The following CACNA1D variants were observed in gnomAD, a reference collection of about 807,000 sequenced individuals.
The protein encoded by CACNA1D is calcium voltage-gated channel subunit alpha1 D.
Under a neutral mutation model 257.1 loss-of-function variants are expected in CACNA1D, and 55 were observed. That is an observed-to-expected ratio of 0.21 (90% CI 0.17 to 0.27). The LOEUF is 0.27. Ranked by LOEUF, CACNA1D falls within the 10% of genes least tolerant of loss-of-function variation. CACNA1D has a pLI of 1.00. For synonymous variants in CACNA1D, 980 were observed against 1,014.9 expected, an observed-to-expected ratio of 0.97 and a Z score of 0.65; for missense variants, 1,876 against 2,784.0, an observed-to-expected ratio of 0.67 and a Z score of 7.34.
chr3:53,810,769 A>C (rs1430728699), intron 47 of CACNA1D, among the ~76,000 whole-genome samples: 1 of 146,556 alleles, frequency 6.8e-6, no homozygotes, highest in Non-Finnish European at 1.5e-5. Flanking sequence ...AAAAAAAAAA[A>C]AAAAAAAAAA....
In CACNA1D at chr3:53,555,462, T is replaced by TG. The variant is rs1448053839; in HGVS notation, c.483+53742_483+53743insG. The stretch of plus-strand genomic sequence containing the variant: ...GGTGTGTGTGTGTGTGTGTGTGTGT[T>TG]TTTTTTTTTTTTTTTTTTTTCTGAG... On this transcript the variant is annotated intron_variant, in intron 3 of 47. Coordinates refer to ENST00000350061, the MANE Select transcript of CACNA1D (RefSeq NM_001128840.3). 4.4e-3 allele frequency among the ~76,000 whole-genome samples: 430 copies of TG among 97,616 alleles called. 1 individual carries two copies. Among genetic ancestry groups the TG allele is most frequent in the African/African-American group, 0.016 (367 of 23,088 alleles). The allele number at this position is 97,616 out of a possible 152,430, so 64.0% of individuals were successfully genotyped here.
chr3:53,753,230 T>C (rs995154193), intron 28 of CACNA1D, among the ~76,000 whole-genome samples: 1 of 152,258 alleles, frequency 6.6e-6, no homozygotes, highest in African/African-American at 2.4e-5. Context: ...AACCAAATTC[T>C]ACCTCTATTC....
chr3:53,729,342 G>T (rs1172755541), intron 15 of CACNA1D, among the ~76,000 whole-genome samples: 1 of 152,184 alleles, frequency 6.6e-6, no homozygotes, highest in African/African-American at 2.4e-5. Context: ...GTTAGGTTAT[G>T]TTGGTTTACG....
At chr3:53,807,448 G>T (rs566126545) in intron 45 of CACNA1D, 1 of 152,312 alleles carries the variant, frequency 6.6e-6, no homozygotes, top group African/African-American at 2.4e-5. Context: ...CCGGTCTCTT[G>T]TGTGCAGCCC....
chr3:53,708,515 A>G (rs758471859), intron 9 of CACNA1D, among the ~76,000 whole-genome samples: 88 of 152,182 alleles, frequency 5.8e-4, no homozygotes, highest in Non-Finnish European at 8.7e-4. Context: ...CTCTCTCCAC[A>G]GGGGTGATAG....
At chr3:53,804,409 G>A (rs527389787) in intron 44 of CACNA1D, among the ~76,000 whole-genome samples, 37 of 152,274 alleles carry the variant, frequency 2.4e-4, no homozygotes, top group African/African-American at 7.5e-4. Context: ...CCCTCACTCC[G>A]TCTGCTGGCC....
chr3:53,551,030 T>C (rs867371774), intron 3 of CACNA1D, among the ~76,000 whole-genome samples: 1 of 152,184 alleles, frequency 6.6e-6, no homozygotes, highest in Admixed American at 6.5e-5. Flanking sequence ...TAAAGCTCCA[T>C]TTTTGGGGTA....
At chr3:53,584,263 G>A (rs1320644560) in intron 3 of CACNA1D, among the ~76,000 whole-genome samples, 2 of 152,210 alleles carry the variant, frequency 1.3e-5, no homozygotes, top group Admixed American at 1.3e-4. Context: ...CCTACCCTCA[G>A]CAAGCTTTCT....
At chr3:53,586,414 C>G (rs939974386) in intron 3 of CACNA1D, among the ~76,000 whole-genome samples, 4 of 151,092 alleles carry the variant, frequency 2.6e-5, no homozygotes, top group Non-Finnish European at 4.4e-5. Flanking sequence ...TTTCCTCATT[C>G]TCTTCGAGGT....
intron 27 of CACNA1D, 78 bp downstream of exon 27, chr3:53,749,547 T>C: frequency 1.9e-6 from 2 of 1,039,574 alleles, no homozygotes; most frequent in South Asian, 2.6e-5. Context: ...ATTTCCCCCA[T>C]ACCCAGAGAA....
At chr3:53,533,128 A>G (rs775656820) in intron 3 of CACNA1D, among the ~76,000 whole-genome samples, 1 of 152,160 alleles carries the variant, frequency 6.6e-6, no homozygotes, top group Non-Finnish European at 1.5e-5. Flanking sequence ...TGTGTTTCCC[A>G]TCATGTTTCC....
chr3:53,553,779 A>G (rs888289957), intron 3 of CACNA1D, among the ~76,000 whole-genome samples: 6 of 151,822 alleles, frequency 4.0e-5, no homozygotes, highest in African/African-American at 1.2e-4. Flanking sequence ...CCTGGCAGTC[A>G]GTCTTTGCAT....
At chr3:53,645,808 T>C (rs2094013077) in intron 3 of CACNA1D, among the ~76,000 whole-genome samples, 1 of 152,134 alleles carries the variant, frequency 6.6e-6, no homozygotes, top group South Asian at 2.1e-4. Flanking sequence ...AAGCTGAGCC[T>C]TGAAGGGCAA....
chr3:53,775,617 C>T (rs1056478860), intron 34 of CACNA1D, among the ~76,000 whole-genome samples: 2 of 151,976 alleles, frequency 1.3e-5, no homozygotes, highest in African/African-American at 2.4e-5. Flanking sequence ...AGAGAAGACA[C>T]AAAAACAAGC....
intron 3 of CACNA1D, among the ~76,000 whole-genome samples, chr3:53,531,161 T>A (rs2091937760): frequency 1.3e-5 from 2 of 152,116 alleles, no homozygotes; most frequent in Admixed American, 6.6e-5. Flanking sequence ...CTCCTCCTCA[T>A]TTTTGTAGAC....
At chr3:53,526,317 C>T (rs1426121203) in intron 3 of CACNA1D, among the ~76,000 whole-genome samples, 1 of 152,158 alleles carries the variant, frequency 6.6e-6, no homozygotes, top group Non-Finnish European at 1.5e-5. Context: ...ATGATGTAGG[C>T]TTGAACTCTG....
chr3:53,595,533 G>A (rs1329439672), intron 3 of CACNA1D, among the ~76,000 whole-genome samples: 3 of 152,084 alleles, frequency 2.0e-5, no homozygotes, highest in Non-Finnish European at 4.4e-5. Context: ...AGCTGGCCCC[G>A]GGAACTATTC....
chr3:53,575,158 C>G (rs2093014439), intron 3 of CACNA1D, among the ~76,000 whole-genome samples: 1 of 152,170 alleles, frequency 6.6e-6, no homozygotes, highest in African/African-American at 2.4e-5. Context: ...GTGCTGGCGG[C>G]AGAGGTGCCC....
intron 43 of CACNA1D, among the ~76,000 whole-genome samples, chr3:53,802,694 G>C (rs1434343349): frequency 1.3e-5 from 2 of 152,340 alleles, no homozygotes; most frequent in Middle Eastern, 3.4e-3. Flanking sequence ...AGGGAGGATG[G>C]GTCTTCCTGT....
Sources: gnomAD v4.1 joint callset for allele counts (sites outside exome capture counted in the v4.1 genomes callset) on GRCh38, gnomAD v4.1.1 for gene constraint, MANE v1.5 for transcripts, NCBI Gene and HGNC (gene_info 2026-07-23, HGNC 2026-07-21) for gene names.